The following BPIFB4 variants were observed in gnomAD, a reference collection of about 807,000 sequenced individuals.
The protein encoded by BPIFB4 is BPI fold containing family B member 4, also known as BPI fold-containing family B member 4.
A neutral mutation model predicts 69.2 loss-of-function variants in BPIFB4; 62 were observed. The ratio of observed to expected loss-of-function variants is 0.90; its 90% CI spans 0.73 to 1.11. BPIFB4 has a LOEUF of 1.11. BPIFB4 is among the 50% of genes least tolerant of loss of function. The probability of loss-of-function intolerance (pLI) is 0.00; values close to 1 mark genes in which losing one functional copy is unlikely to be tolerated. For missense variants in BPIFB4, 789 were observed against 792.0 expected (o/e 1.00, Z 0.04); for synonymous variants, 330 against 332.7 (o/e 0.99, Z 0.09).
chr20:33,093,467 TTATC>T (rs908300546), intron 11 of BPIFB4, among the ~76,000 whole-genome samples: 6 of 141,980 alleles, frequency 4.2e-5, no homozygotes, highest in Non-Finnish European at 6.1e-5. Flanking sequence ...ATCCATCTGT[TTATC>T]TATCCATCCA....
At chr20:33,092,679 G>A (rs753871841) in intron 11 of BPIFB4, 21 bp downstream of exon 11, 4 of 1,595,662 alleles carry the variant, frequency 2.5e-6, no homozygotes, top group South Asian at 2.2e-5. Flanking sequence ...GCCCCACCAG[G>A]GGGAGGTGGC....
At chr20:33,085,965 A>T in intron 6 of BPIFB4, 56 bp from the exon 7 acceptor site, 1 of 1,560,180 alleles carries the variant, frequency 6.4e-7, no homozygotes. Flanking sequence ...GGTAAGGGTG[A>T]GCTCCTGGCG....
Position 33,089,478 on chromosome 20 carries a change from G to A in BPIFB4, c.991-20G>A, listed in dbSNP as rs1158103305. On this transcript the variant is annotated intron_variant, in intron 8 of 17. Transcript: ENST00000375483. ...CTCCCTGCAGCGTCAACAAGGCTTT[G>A]TGCCATTTCTCCCCTGCAGCTCTGC... 2 of 1,614,218 alleles carry A rather than the reference G, an allele frequency of 1.2e-6. No homozygotes were observed. Among genetic ancestry groups the A allele is most frequent in the Non-Finnish European group, 1.7e-6 (2 of 1,180,036 alleles).
At chr20:33,085,284 G>A (rs537479782) in intron 6 of BPIFB4, among the ~76,000 whole-genome samples, 5 of 152,138 alleles carry the variant, frequency 3.3e-5, no homozygotes, top group African/African-American at 4.8e-5. Context: ...GTGAAACCCC[G>A]TCTCTACTAA....
Position 33,107,200 on chromosome 20 carries a change from T to TC in BPIFB4, c.1745-544_1745-543insC, listed in dbSNP as rs1568589279. On this transcript the variant is annotated intron_variant, in intron 16 of 17. Transcript: ENST00000375483. ...GCTGGGGCAACAGAGCAAGACTCAGTTAAAAAAAAAAATGAAAGAAAGAAG... is the reference window on the plus strand; with the variant it reads ...GCTGGGGCAACAGAGCAAGACTCAGTCTAAAAAAAAAAATGAAAGAAAGAAG... 1.7e-3 allele frequency among the ~76,000 whole-genome samples: 164 copies of TC among 97,856 alleles called. 1 individual carries two copies. The highest frequency in any genetic ancestry group is 7.0e-3 in the Middle Eastern group (1 of 142). 64.2% of individuals were successfully genotyped at this position (97,856 alleles called of 152,430 possible).
chr20:33,079,959 T>C (rs1981181086), intron 1 of BPIFB4, among the ~76,000 whole-genome samples: 1 of 152,228 alleles, frequency 6.6e-6, no homozygotes, highest in Admixed American at 6.5e-5. Flanking sequence ...GGGCCTTTGC[T>C]ACCTCCTGGA....
chr20:33,085,737 G>A (rs548061702), intron 6 of BPIFB4, among the ~76,000 whole-genome samples: 3 of 152,328 alleles, frequency 2.0e-5, no homozygotes, highest in South Asian at 2.1e-4. Flanking sequence ...ACTTATCCCC[G>A]TGGGATGAGG....
chr20:33,090,600 G>A, intron 9 of BPIFB4, 108 bp from the exon 10 acceptor site: 1 of 1,535,340 alleles, frequency 6.5e-7, no homozygotes, highest in East Asian at 2.3e-5. Flanking sequence ...CATGGTGTCT[G>A]GAGCTGGAGC....
intron 7 of BPIFB4, among the ~76,000 whole-genome samples, chr20:33,087,221 A>T (rs575620425): frequency 6.6e-6 from 1 of 152,334 alleles, no homozygotes; most frequent in African/African-American, 2.4e-5. Context: ...ATAAAATAAC[A>T]AAAAGGCACA....
Position 33,095,123 on chromosome 20 carries a change from C to T in BPIFB4, c.1368C>T (p.Thr456=), listed in dbSNP as rs765228508. 1.2e-6 allele frequency: 2 copies of T among 1,613,032 alleles called. No individual in the cohort carries two copies. Among genetic ancestry groups the T allele is most frequent in the Admixed American group, 1.7e-5 (1 of 60,014 alleles). ...NGMFEELPPL[T]TATLGALIPK... is the part of the protein sequence containing the mutation. ...AGTTTGAAGAGCTTCCTCCACTTACCACAGCCACACTGGGAGCCCTGATCC... is the reference window on the plus strand; with the variant it reads ...AGTTTGAAGAGCTTCCTCCACTTACTACAGCCACACTGGGAGCCCTGATCC... Residue 456 remains threonine (T), a synonymous_variant, in exon 12 of 18, where the codon ACC becomes ACT. Transcript: ENST00000375483.
chr20:33,107,168 C>T (rs1000534692), intron 16 of BPIFB4, among the ~76,000 whole-genome samples: 40 of 148,346 alleles, frequency 2.7e-4, no homozygotes, highest in Admixed American at 1.5e-3. Context: ...CGTGCCTCTG[C>T]GCTCCAGCTG....
rs1000778360 is a variant in BPIFB4, at chr20:33,081,522, C to G, written c.-5C>G. The stretch of plus-strand genomic sequence containing the variant: ...CTTTCTCCTCCACAGGGAAGCAGTG[C>G]CAGCATGTGGATGGCCTGGTGTGTG... On this transcript the variant is annotated 5_prime_UTR_variant, in exon 3 of 18. Transcript: ENST00000375483. 1.9e-6 allele frequency: 3 copies of G among 1,551,502 alleles called. No homozygotes were observed. Among genetic ancestry groups the G allele is most frequent in the Non-Finnish European group, 2.6e-6 (3 of 1,146,998 alleles).
intron 11 of BPIFB4, 142 bp from the exon 12 acceptor site, chr20:33,094,957 TC>T (rs1408671633): frequency 2.6e-6 from 2 of 782,360 alleles, no homozygotes; most frequent in Non-Finnish European, 4.4e-6. Flanking sequence ...AGGCAGGACT[TC>T]CCCAGGGGTC....
In BPIFB4 at chr20:33,083,550, T is replaced by TCC. The variant is rs1981315020; in HGVS notation, c.354_355dup (p.Arg119ProfsTer115). ...GAGTCCGAGGGAAGCATCAGGGACCTCCGAAACAGTGGCTATCGCAGTGCC... is the reference window on the plus strand; with the variant it reads ...GAGTCCGAGGGAAGCATCAGGGACCTCCCCGAAACAGTGGCTATCGCAGTGCC... On this transcript the variant is annotated frameshift_variant, in exon 5 of 18. Coordinates refer to ENST00000375483, the MANE Select transcript of BPIFB4 (RefSeq NM_182519.3). LOFTEE classifies it high-confidence loss of function. 1.2e-6 allele frequency: 2 copies of TCC among 1,613,958 alleles called. No homozygotes were observed. Among genetic ancestry groups the TCC allele is most frequent in the Admixed American group, 3.3e-5 (2 of 60,028 alleles).
At chr20:33,097,055 G>A (rs1600559851) in intron 12 of BPIFB4, among the ~76,000 whole-genome samples, 1 of 152,196 alleles carries the variant, frequency 6.6e-6, no homozygotes, top group Admixed American at 6.5e-5. Flanking sequence ...GGCAGCCTGT[G>A]CCTTGCCTGG....
intron 13 of BPIFB4, among the ~76,000 whole-genome samples, 155 bp from the exon 14 acceptor site, chr20:33,100,271 A>G (rs995031063): frequency 6.6e-6 from 1 of 152,156 alleles, no homozygotes; most frequent in African/African-American, 2.4e-5. Flanking sequence ...TCTCATGCTT[A>G]TAAAAGGAGG....
At chr20:33,110,579 C>A (rs6120108) in intron 17 of BPIFB4, among the ~76,000 whole-genome samples, 1 of 152,064 alleles carries the variant, frequency 6.6e-6, no homozygotes, top group Admixed American at 6.5e-5. Context: ...TCAGTGTTCA[C>A]GGTTTTGTCT....
chr20:33,099,456 G>T (rs1310584256), intron 13 of BPIFB4, among the ~76,000 whole-genome samples: 2 of 152,178 alleles, frequency 1.3e-5, no homozygotes, highest in South Asian at 2.1e-4. Flanking sequence ...CCAGCACCCT[G>T]CAGTGACTCC....
At chr20:33,083,279 G>A in intron 4 of BPIFB4, 88 bp from the exon 5 acceptor site, 2 of 1,313,202 alleles carry the variant, frequency 1.5e-6, no homozygotes, top group Non-Finnish European at 1.0e-6. Context: ...TGGCAGTAGA[G>A]GGGGGCTGCT....
Sources: allele counts gnomAD v4.1 joint callset (sites outside exome capture counted in the v4.1 genomes callset), GRCh38; gene constraint gnomAD v4.1.1; transcripts MANE v1.5; gene names NCBI Gene and HGNC (gene_info 2026-07-23, HGNC 2026-07-21).